The following CEPT1 variants were observed in gnomAD, a reference collection of about 807,000 sequenced individuals.
The protein encoded by CEPT1 is choline/ethanolaminephosphotransferase 1.
A neutral mutation model predicts 42.6 loss-of-function variants in CEPT1; 7 were observed. The ratio of observed to expected loss-of-function variants is 0.16; its 90% confidence interval spans 0.09 to 0.31. CEPT1 has a LOEUF of 0.31. Ranked by LOEUF, CEPT1 falls within the 10% of genes least tolerant of loss-of-function variation. The probability of loss-of-function intolerance (pLI) is 1.00; values close to 1 mark genes in which losing one functional copy is unlikely to be tolerated. For synonymous variants in CEPT1, 171 were observed against 171.9 expected, an observed-to-expected ratio of 0.99 and a Z score of 0.04; for missense variants, 306 against 502.1, an observed-to-expected ratio of 0.61 and a Z score of 3.73.
At chr1:111,166,097 G>A (rs1035923390) in intron 4 of CEPT1, among the ~76,000 whole-genome samples, 2 of 152,046 alleles carry the variant, frequency 1.3e-5, no homozygotes, top group Admixed American at 6.6e-5. Context: ...TCCCTGTGTA[G>A]CTTTTTTTCA....
chr1:111,145,479 T>C (rs970330832), intron 1 of CEPT1, among the ~76,000 whole-genome samples: 1 of 152,200 alleles, frequency 6.6e-6, no homozygotes, highest in Non-Finnish European at 1.5e-5. Context: ...CCTTAGGTCA[T>C]TAGTAACATT....
Position 111,184,572 on chromosome 1 carries a change from C to A in CEPT1, c.*262C>A, listed in dbSNP as rs1198015568. The A allele has an allele frequency of 3.4e-6, 1 of 290,788 alleles. No individual in the cohort carries two copies. The highest frequency in any genetic ancestry group is 7.7e-5 in the East Asian group (1 of 13,002). 18.0% of individuals were successfully genotyped at this position (290,788 alleles called of 1,614,324 possible). On this transcript the variant is annotated 3_prime_UTR_variant, in exon 9 of 9. Transcript: ENST00000357172. ...AAAAATGCCATGTGATTGTAATTAT[C>A]CTGGATTCAGAATAATACTGTGATG...
intron 5 of CEPT1, chr1:111,179,269 T>G (rs1358791884): frequency 6.6e-6 from 1 of 152,210 alleles, no homozygotes; most frequent in East Asian, 1.9e-4. Context: ...TTGTTATTAT[T>G]TGGATGCATA....
chr1:111,149,147 C>A (rs959236049), intron 2 of CEPT1, among the ~76,000 whole-genome samples: 2 of 152,098 alleles, frequency 1.3e-5, no homozygotes, highest in Non-Finnish European at 2.9e-5. Context: ...CACCTTTACC[C>A]CAGAACATGT....
chr1:111,182,680 C>A (rs1341424352), intron 6 of CEPT1, 119 bp from the exon 7 acceptor site: 5 of 875,496 alleles, frequency 5.7e-6, no homozygotes. Flanking sequence ...AAATTGCTGC[C>A]TATCAGGCAC....
intron 4 of CEPT1, among the ~76,000 whole-genome samples, chr1:111,170,430 C>T (rs1656361855): frequency 6.6e-6 from 1 of 152,062 alleles, no homozygotes; most frequent in Non-Finnish European, 1.5e-5. Flanking sequence ...ATAGACTTGT[C>T]TTGCTGTCTG....
At chr1:111,148,463 C>G (rs143060550) in intron 2 of CEPT1, among the ~76,000 whole-genome samples, 47 of 150,600 alleles carry the variant, frequency 3.1e-4, no homozygotes, top group Non-Finnish European at 5.8e-4. Flanking sequence ...TTTTTCCATT[C>G]TAGTGAGAAG....
intron 4 of CEPT1, among the ~76,000 whole-genome samples, chr1:111,165,489 C>T (rs908626248): frequency 1.3e-5 from 2 of 152,146 alleles, no homozygotes; most frequent in East Asian, 1.9e-4. Context: ...TATGTTGGCT[C>T]AAATGTTAAT....
chr1:111,168,332 G>A (rs1164505489), intron 4 of CEPT1, among the ~76,000 whole-genome samples: 1 of 151,712 alleles, frequency 6.6e-6, no homozygotes, highest in Non-Finnish European at 1.5e-5. Flanking sequence ...TTGGAGAACT[G>A]TTCAAATGAA....
intron 1 of CEPT1, among the ~76,000 whole-genome samples, chr1:111,146,487 T>C (rs1371805556): frequency 6.6e-6 from 1 of 152,218 alleles, no homozygotes; most frequent in African/African-American, 2.4e-5. Context: ...TATCTAATTC[T>C]TAAGTACTTT....
chr1:111,155,061 T>C (rs1655488983), intron 2 of CEPT1, among the ~76,000 whole-genome samples: 1 of 152,210 alleles, frequency 6.6e-6, no homozygotes, highest in African/African-American at 2.4e-5. Context: ...AGAATTGGTG[T>C]AGTTCTTTAA....
In CEPT1 at chr1:111,146,699, T is replaced by C. The variant is rs1214766318; in HGVS notation, c.-73-943T>C. On this transcript the variant is annotated intron_variant, in intron 1 of 8. Coordinates refer to ENST00000357172, the MANE Select transcript of CEPT1 (RefSeq NM_006090.5). ...TTTCCTCATGCTACTTGATTACTTATAATTGTTATCTCTAATCTTTTCTAA... is the reference window on the plus strand; with the variant it reads ...TTTCCTCATGCTACTTGATTACTTACAATTGTTATCTCTAATCTTTTCTAA... Among the ~76,000 whole-genome samples the C allele has an allele frequency of 3.3e-5, 5 of 152,328 alleles. No individual in the cohort carries two copies. In the South Asian group the frequency reaches 6.2e-4, roughly 19 times the overall value.
intron 2 of CEPT1, among the ~76,000 whole-genome samples, chr1:111,155,896 T>A (rs918479372): frequency 6.6e-6 from 1 of 152,134 alleles, no homozygotes; most frequent in African/African-American, 2.4e-5. Flanking sequence ...TGTATATGTA[T>A]ATATATATTC....
Position 111,182,942 on chromosome 1 carries a change from C to T in CEPT1, c.990C>T (p.Ile330=), listed in dbSNP as rs372073879. 1.2e-6 allele frequency: 2 copies of T among 1,611,838 alleles called. No homozygotes were observed. Among genetic ancestry groups the T allele is most frequent in the Non-Finnish European group, 1.7e-6 (2 of 1,179,180 alleles). ...ILTFGFVSAK[I]TNKLVVAHMT... ...CATTTGGTTTTGTGTCTGCTAAAAT[C>T]ACTAATAAGCTTGTGGTAAGCACCT... The change falls in exon 7 of 9, where the codon ATC becomes ATT. Residue 330 remains isoleucine (I), a synonymous_variant. Transcript: ENST00000357172.
intron 5 of CEPT1, chr1:111,178,441 A>ATTG (rs889435453): frequency 2.0e-5 from 3 of 150,136 alleles, no homozygotes; most frequent in Admixed American, 1.3e-4. Context: ...GATTATAGTT[A>ATTG]TTGTTGTTGT....
Position 111,159,533 on chromosome 1 carries a change from G to A in CEPT1, c.487+6G>A. ...CTGTGATTCACTATCAACAGGTATT[G>A]TTGATTTTTTTAATGTTATTGATTA... On this transcript the variant is annotated splice_donor_region_variant and intron_variant, in intron 3 of 8. Transcript: ENST00000357172. 1 of 1,603,442 alleles carries A rather than the reference G, an allele frequency of 6.2e-7. No homozygotes were observed. Among genetic ancestry groups the A allele is most frequent in the Non-Finnish European group, 8.5e-7 (1 of 1,176,954 alleles).
At chr1:111,147,171 T>C (rs566512026) in intron 1 of CEPT1, among the ~76,000 whole-genome samples, 1 of 152,210 alleles carries the variant, frequency 6.6e-6, no homozygotes, top group Admixed American at 6.5e-5. Context: ...TGCTTAAGTT[T>C]TGTAATATGA....
intron 4 of CEPT1, among the ~76,000 whole-genome samples, chr1:111,168,552 T>A (rs1656255376): frequency 1.3e-5 from 2 of 151,632 alleles, no homozygotes; most frequent in African/African-American, 4.8e-5. Context: ...GCGGTGGAGC[T>A]ATCTCAGCTC....
intron 4 of CEPT1, among the ~76,000 whole-genome samples, chr1:111,166,696 A>G (rs1204248523): frequency 4.6e-5 from 7 of 152,178 alleles, no homozygotes; most frequent in African/African-American, 7.2e-5. Flanking sequence ...CAAAATGTAC[A>G]TTGGGACTTC....
Sources: allele counts gnomAD v4.1 joint callset (sites outside exome capture counted in the v4.1 genomes callset), GRCh38; gene constraint gnomAD v4.1.1; transcripts MANE v1.5; gene names NCBI Gene and HGNC (gene_info 2026-07-23, HGNC 2026-07-21).